Variants in MYT1L observed in about 807,000 individuals in gnomAD.
MYT1L encodes myelin transcription factor 1 like.
Under a neutral mutation model 126.7 loss-of-function variants are expected in MYT1L, and 12 were observed. The ratio of observed to expected loss-of-function variants is 0.09; its 90% CI spans 0.06 to 0.15. MYT1L has a LOEUF of 0.15. Among genes scored for constraint, MYT1L ranks in the 10% least tolerant of loss-of-function variants. MYT1L has a pLI of 1.00. For synonymous variants in MYT1L, 541 were observed against 604.2 expected, an observed-to-expected ratio of 0.90 and a Z score of 1.53; for missense variants, 979 against 1,585.2, an observed-to-expected ratio of 0.62 and a Z score of 6.49.
chr2:1,867,777 A>G (rs2045782186), intron 18 of MYT1L, among the ~76,000 whole-genome samples: 1 of 152,196 alleles, frequency 6.6e-6, no homozygotes, highest in Non-Finnish European at 1.5e-5. Context: ...GAATATGTAG[A>G]TGAAGGTCAT....
chr2:2,143,516 G>T (rs928894278), intron 3 of MYT1L, among the ~76,000 whole-genome samples: 1 of 152,076 alleles, frequency 6.6e-6, no homozygotes, highest in Non-Finnish European at 1.5e-5. Context: ...AGTCCTCTCA[G>T]GGGGTAGGAG....
chr2:2,101,472 T>C (rs562476907), intron 3 of MYT1L, among the ~76,000 whole-genome samples: 1 of 152,004 alleles, frequency 6.6e-6, no homozygotes, highest in Admixed American at 6.6e-5. Flanking sequence ...CACCCACCAA[T>C]CTATCCATTT....
chr2:2,289,746 T>C (rs1392032865), intron 1 of MYT1L, among the ~76,000 whole-genome samples: 2 of 152,244 alleles, frequency 1.3e-5, no homozygotes, highest in East Asian at 1.9e-4. Context: ...GCATGGCTGA[T>C]ACTTTAAAGC....
intron 21 of MYT1L, among the ~76,000 whole-genome samples, chr2:1,833,223 G>A (rs1445059384): frequency 1.3e-5 from 2 of 152,190 alleles, no homozygotes; most frequent in Non-Finnish European, 1.5e-5. Context: ...GCCCGCATCC[G>A]AGGCTCTTAT....
intron 21 of MYT1L, among the ~76,000 whole-genome samples, chr2:1,835,540 A>G (rs569790183): frequency 6.6e-6 from 1 of 152,312 alleles, no homozygotes; most frequent in African/African-American, 2.4e-5. Context: ...GAGATGGTAA[A>G]TTCCATGCCA....
intron 21 of MYT1L, among the ~76,000 whole-genome samples, chr2:1,836,633 C>T (rs1231500403): frequency 1.3e-5 from 2 of 151,550 alleles, no homozygotes; most frequent in African/African-American, 4.9e-5. Flanking sequence ...TCACAAAATT[C>T]CATCAGCCTG....
chr2:2,148,364 T>C (rs1308522585), intron 3 of MYT1L, among the ~76,000 whole-genome samples: 1 of 152,148 alleles, frequency 6.6e-6, no homozygotes, highest in Non-Finnish European at 1.5e-5. Flanking sequence ...CAGTTCACAA[T>C]AGTGTTCGAA....
intron 4 of MYT1L, among the ~76,000 whole-genome samples, chr2:2,049,592 T>C (rs932918141): frequency 1.3e-4 from 20 of 152,370 alleles, no homozygotes; most frequent in African/African-American, 4.8e-4. Flanking sequence ...AGACAAGGTT[T>C]GGGTCTGTGT....
At chr2:1,869,103 C>T (rs78832132) in intron 18 of MYT1L, among the ~76,000 whole-genome samples, 158 of 152,362 alleles carry the variant, frequency 1.0e-3, no homozygotes, top group Non-Finnish European at 1.3e-3. Context: ...TGTGCCTCAC[C>T]GGTCCATGCA....
At chr2:2,187,930 A>T (rs2092327330) in intron 2 of MYT1L, among the ~76,000 whole-genome samples, 1 of 152,148 alleles carries the variant, frequency 6.6e-6, no homozygotes, top group Non-Finnish European at 1.5e-5. Context: ...TATAATAAAC[A>T]TGTATGCATT....
At chr2:2,227,888 T>C (rs949888241) in intron 2 of MYT1L, among the ~76,000 whole-genome samples, 2 of 152,238 alleles carry the variant, frequency 1.3e-5, no homozygotes, top group Non-Finnish European at 2.9e-5. Context: ...GGAATTAACA[T>C]GACCTTCTAG....
chr2:1,849,340 A>G (rs2042915996), intron 19 of MYT1L, among the ~76,000 whole-genome samples: 1 of 125,226 alleles, frequency 8.0e-6, no homozygotes, highest in African/African-American at 3.6e-5. Context: ...ATTTAATTGG[A>G]GTTTTACAAA....
At position 1,824,576 on chromosome 2, in the gene MYT1L, G is replaced by A. The variant is rs1232836687; in HGVS notation, c.3080+14573C>T. On this transcript the variant is annotated intron_variant, in intron 21 of 24. Coordinates refer to ENST00000647738, the MANE Select transcript of MYT1L (RefSeq NM_001303052.2). Reference sequence around the variant, plus strand: ...CTCAGGGGCCAGCCTGTGACACCCCGGCCAGGCCATGCGAGGGTGGCGCCG... The same window carrying A: ...CTCAGGGGCCAGCCTGTGACACCCCAGCCAGGCCATGCGAGGGTGGCGCCG... 7.2e-5 allele frequency: 11 copies of A among 152,376 alleles called. No homozygotes were observed. In the South Asian group the frequency reaches 2.1e-3, roughly 29 times the overall value. The allele number at this position is 152,376 out of a possible 1,614,324, so 9.4% of individuals were successfully genotyped here.
rs141469182 is a variant in MYT1L, at chr2:2,220,224, G to T, written c.-420-47236C>A. Among the ~76,000 whole-genome samples, 332 of 152,312 alleles carry T rather than the reference G, an allele frequency of 2.2e-3. 2 individuals carry two copies. The highest frequency in any genetic ancestry group is 7.7e-3 in the African/African-American group (320 of 41,556). On this transcript the variant is annotated intron_variant, in intron 2 of 24. Transcript: ENST00000647738. ...ATGTGCCCAAGGTGGTCGGGGCACAGCTTGGTTTTATACATTTTAGGAAGA... is the reference window on the plus strand; with the variant it reads ...ATGTGCCCAAGGTGGTCGGGGCACATCTTGGTTTTATACATTTTAGGAAGA...
intron 3 of MYT1L, among the ~76,000 whole-genome samples, chr2:2,102,022 T>A (rs1173118941): frequency 6.6e-6 from 1 of 152,218 alleles, no homozygotes; most frequent in Non-Finnish European, 1.5e-5. Context: ...CTTGCTGGCA[T>A]GCCCTTTCCT....
At chr2:1,868,650 C>T (rs979750309) in intron 18 of MYT1L, among the ~76,000 whole-genome samples, 1 of 152,224 alleles carries the variant, frequency 6.6e-6, no homozygotes, top group African/African-American at 2.4e-5. Flanking sequence ...GGGTCCATTC[C>T]TCAGGCTGCC....
At chr2:1,797,818 A>C (rs2033909826) in intron 23 of MYT1L, among the ~76,000 whole-genome samples, 1 of 152,146 alleles carries the variant, frequency 6.6e-6, no homozygotes, top group African/African-American at 2.4e-5. Context: ...CCTTCCGCAG[A>C]GAGTGGCAGG....
rs11127367 is a variant in MYT1L at position 2,238,275 on chromosome 2, G to A, written c.-421+46129C>T. The stretch of plus-strand genomic sequence containing the variant: ...AAACCCATGAGCTGTGTGTCTCTGC[G>A]CAAGGTACCCTGCTGTCCGGGCCTC... On this transcript the variant is annotated intron_variant, in intron 2 of 24. Coordinates refer to ENST00000647738, the MANE Select transcript of MYT1L (RefSeq NM_001303052.2). Among the ~76,000 whole-genome samples the A allele has an allele frequency of 5.6e-3, 848 of 152,132 alleles. 7 individuals carry two copies. The highest frequency in any genetic ancestry group is 0.019 in the African/African-American group (798 of 41,462).
intron 21 of MYT1L, among the ~76,000 whole-genome samples, chr2:1,815,034 C>A (rs972395439): frequency 3.3e-5 from 5 of 152,160 alleles, no homozygotes; most frequent in Non-Finnish European, 7.3e-5. Flanking sequence ...TAAAAGCAAA[C>A]AAAATTTCCC....
Sources: allele counts gnomAD v4.1 joint callset (sites outside exome capture counted in the v4.1 genomes callset), GRCh38; gene constraint gnomAD v4.1.1; transcripts MANE v1.5; gene names NCBI Gene and HGNC (gene_info 2026-07-23, HGNC 2026-07-21).